ARHGAP24: variants seen among roughly 807,000 people sequenced by gnomAD.
ARHGAP24 encodes rho GTPase-activating protein 24.
In ARHGAP24, 50 loss-of-function variants were observed where a neutral mutation model predicts 76.4. The observed-to-expected ratio is 0.65, with a 90% CI of 0.52 to 0.83. ARHGAP24 has a LOEUF of 0.83. ARHGAP24 is among the 40% of genes least tolerant of loss of function. The pLI is 0.00. For synonymous variants in ARHGAP24, 345 were observed against 323.3 expected (o/e 1.07, Z -0.72); for missense variants, 930 against 914.2 (o/e 1.02, Z -0.22).
At chr4:85,754,270 G>A (rs560081663) in intron 3 of ARHGAP24, among the ~76,000 whole-genome samples, 95 of 152,290 alleles carry the variant, frequency 6.2e-4, no homozygotes, top group African/African-American at 2.2e-3. Flanking sequence ...TCATTCTTTT[G>A]TATGGGTGAA....
chr4:85,969,375 A>G (rs1053278813), intron 5 of ARHGAP24, among the ~76,000 whole-genome samples: 8 of 150,600 alleles, frequency 5.3e-5, no homozygotes, highest in African/African-American at 1.8e-4. Flanking sequence ...TGTCTCATTT[A>G]TTTATTGTAT....
intron 3 of ARHGAP24, among the ~76,000 whole-genome samples, chr4:85,823,511 C>T (rs1385604749): frequency 6.6e-6 from 1 of 152,122 alleles, no homozygotes; most frequent in South Asian, 2.1e-4. Context: ...CCATGTGTCC[C>T]AGGCTTTCTG....
chr4:85,940,914 A>G lies in ARHGAP24; in HGVS notation c.392-1152A>G, dbSNP rs1379962802. On this transcript the variant is annotated intron_variant, in intron 4 of 9. Coordinates refer to ENST00000395184, the MANE Select transcript of ARHGAP24 (RefSeq NM_001025616.3). ...ATTGCTTGAAATGTGACGGTTTTGC[A>G]CTACTGAGTCCATAAAGAAATTATT... 3.3e-5 allele frequency among the ~76,000 whole-genome samples: 5 copies of G among 152,304 alleles called. No individual in the cohort carries two copies. The East Asian group carries it at 5.8e-4, about 18-fold the overall frequency.
chr4:85,888,270 G>A (rs113239738), intron 3 of ARHGAP24, among the ~76,000 whole-genome samples: 2,227 of 151,914 alleles, frequency 0.015, 54 homozygotes, highest in African/African-American at 0.051. Context: ...ACGTGGTGGC[G>A]CACACTTGTA....
intron 5 of ARHGAP24, among the ~76,000 whole-genome samples, chr4:85,953,706 TC>T (rs1340163104): frequency 1.3e-5 from 2 of 151,984 alleles, no homozygotes; most frequent in Non-Finnish European, 2.9e-5. Context: ...CATGGATTTA[TC>T]ATCTGCACCC....
At chr4:85,964,031 G>C (rs1279094696) in intron 5 of ARHGAP24, among the ~76,000 whole-genome samples, 1 of 152,094 alleles carries the variant, frequency 6.6e-6, no homozygotes, top group South Asian at 2.1e-4. Flanking sequence ...TATTGTGTTA[G>C]TGGAGGTGAG....
intron 3 of ARHGAP24, among the ~76,000 whole-genome samples, chr4:85,827,323 T>C (rs183264758): frequency 5.3e-5 from 8 of 152,300 alleles, no homozygotes; most frequent in Admixed American, 2.0e-4. Flanking sequence ...CTCTTAGAAT[T>C]AATTTGATTT....
At chr4:85,900,577 A>G (rs1007315070) in intron 3 of ARHGAP24, among the ~76,000 whole-genome samples, 3 of 151,922 alleles carry the variant, frequency 2.0e-5, no homozygotes, top group Admixed American at 6.6e-5. Flanking sequence ...GGCACGTGCC[A>G]CCATGCCCAG....
rs147869525 is a variant in ARHGAP24 at position 85,705,901 on chromosome 4, G to A, written c.181-15984G>A. ...TATCTGAGTCATGAGGGGTCTGGAG[G>A]TTAATTTTCTTAACAGATGAATAAA... is the stretch of plus-strand genomic sequence containing the variant. On this transcript the variant is annotated intron_variant, in intron 2 of 9. Coordinates refer to ENST00000395184, the MANE Select transcript of ARHGAP24 (RefSeq NM_001025616.3). 5.3e-3 allele frequency among the ~76,000 whole-genome samples: 803 copies of A among 150,704 alleles called. 7 individuals are homozygous for A. The highest frequency in any genetic ancestry group is 0.019 in the African/African-American group (760 of 40,644).
In ARHGAP24 at chr4:85,777,602, G is replaced by A. The variant is rs905103257; in HGVS notation, c.268+55630G>A. Among the ~76,000 whole-genome samples the A allele has an allele frequency of 2.6e-5, 4 of 152,172 alleles. No homozygotes were observed. In the South Asian group the frequency reaches 6.2e-4, roughly 24 times the overall value. On this transcript the variant is annotated intron_variant, in intron 3 of 9. Transcript: ENST00000395184. ...GAAATCAAGGACACATGTTTGAAGT[G>A]TGAGAATGAATACAGAAGTAGTCAT...
chr4:85,598,473 G>A lies in ARHGAP24; in HGVS notation c.180+27752G>A, dbSNP rs144990964. Among the ~76,000 whole-genome samples, 578 of 152,070 alleles carry A rather than the reference G, an allele frequency of 3.8e-3. 4 individuals carry two copies. The highest frequency in any genetic ancestry group is 0.013 in the African/African-American group (539 of 41,508). ...TCCCAAATCACAATAATGATGTGTG[G>A]CAGAGCTGAAAGTGCATGTGTGTTT... On this transcript the variant is annotated intron_variant, in intron 2 of 9. Transcript: ENST00000395184.
chr4:85,626,138 A>G (rs192158916), intron 2 of ARHGAP24, among the ~76,000 whole-genome samples: 2,241 of 152,040 alleles, frequency 0.015, 37 homozygotes, highest in Non-Finnish European at 0.016. Context: ...TATTTTGCTC[A>G]TTAGTTGATG....
intron 2 of ARHGAP24, among the ~76,000 whole-genome samples, chr4:85,603,863 A>AT (rs920976043): frequency 4.4e-4 from 66 of 150,386 alleles, no homozygotes; most frequent in East Asian, 1.6e-3. Context: ...TTAAGCGTTG[A>AT]TTTTTTTTTT....
intron 3 of ARHGAP24, among the ~76,000 whole-genome samples, chr4:85,822,513 C>T (rs1224988502): frequency 6.6e-6 from 1 of 152,172 alleles, no homozygotes; most frequent in East Asian, 1.9e-4. Flanking sequence ...AAATAAGACA[C>T]AGGTAACATC....
chr4:85,573,832 G>A (rs6851965), intron 2 of ARHGAP24, among the ~76,000 whole-genome samples: 8,088 of 152,174 alleles, frequency 0.053, 683 homozygotes, highest in African/African-American at 0.18. Context: ...CTTGCTTCTA[G>A]ATCCAGTGCT....
At chr4:85,897,191 C>G (rs922132069) in intron 3 of ARHGAP24, among the ~76,000 whole-genome samples, 4 of 152,136 alleles carry the variant, frequency 2.6e-5, no homozygotes, top group African/African-American at 7.2e-5. Flanking sequence ...CATTCCCAGC[C>G]TGGCCCTGCT....
intron 2 of ARHGAP24, among the ~76,000 whole-genome samples, chr4:85,581,842 G>A (rs1205834461): frequency 6.6e-6 from 1 of 151,920 alleles, no homozygotes; most frequent in Admixed American, 6.6e-5. Flanking sequence ...AAATACATGT[G>A]GTGGTAAATA....
At chr4:85,612,761 G>T (rs1720434959) in intron 2 of ARHGAP24, among the ~76,000 whole-genome samples, 1 of 142,108 alleles carries the variant, frequency 7.0e-6, no homozygotes, top group African/African-American at 2.6e-5. Context: ...CAGATACACA[G>T]ATAACAGCTA....
At chr4:85,980,668 C>T (rs868461924) in intron 8 of ARHGAP24, among the ~76,000 whole-genome samples, 1 of 152,156 alleles carries the variant, frequency 6.6e-6, no homozygotes, top group South Asian at 2.1e-4. Flanking sequence ...TAAATCTATC[C>T]ACTTAATGTT....
Sources: allele counts gnomAD v4.1 joint callset (sites outside exome capture counted in the v4.1 genomes callset), GRCh38; gene constraint gnomAD v4.1.1; transcripts MANE v1.5; gene names NCBI Gene and HGNC (gene_info 2026-07-23, HGNC 2026-07-21).